Variants in MTUS2 observed in about 807,000 individuals in gnomAD.
MTUS2 encodes the protein microtubule associated scaffold protein 2.
In MTUS2, 40 loss-of-function variants were observed where a neutral mutation model predicts 114.1. That is an observed-to-expected ratio of 0.35 (90% CI 0.27 to 0.46). The LOEUF is 0.46. Ranked by LOEUF, MTUS2 falls within the 20% of genes least tolerant of loss-of-function variation. MTUS2 has a pLI of 1.00. For missense variants in MTUS2, 1,679 were observed against 1,705.4 expected (o/e 0.98, Z 0.27); for synonymous variants, 688 against 672.0 (o/e 1.02, Z -0.37).
At chr13:29,018,153 G>A (rs1208142986) in intron 2 of MTUS2, among the ~76,000 whole-genome samples, 1 of 152,126 alleles carries the variant, frequency 6.6e-6, no homozygotes, top group East Asian at 1.9e-4. Flanking sequence ...TGCAGCTCTT[G>A]GGTAGGAGGA....
intron 4 of MTUS2, among the ~76,000 whole-genome samples, chr13:29,080,273 T>C (rs1889382697): frequency 1.3e-5 from 2 of 152,104 alleles, no homozygotes; most frequent in South Asian, 4.1e-4. Flanking sequence ...TATAAAGTAG[T>C]TTGGTATGAG....
chr13:29,438,475 C>T (rs1051558237), intron 8 of MTUS2, among the ~76,000 whole-genome samples: 1 of 152,176 alleles, frequency 6.6e-6, no homozygotes, highest in Non-Finnish European at 1.5e-5. Flanking sequence ...CAGGTGCGGG[C>T]CACTTTCCCG....
At chr13:28,953,756 TTTTTGACA>T (rs1566248723) in intron 2 of MTUS2, among the ~76,000 whole-genome samples, 1 of 152,222 alleles carries the variant, frequency 6.6e-6, no homozygotes, top group African/African-American at 2.4e-5. Flanking sequence ...TATTGGCTTA[TTTTTGACA>T]TCTAGCCTTT....
chr13:29,098,340 G>A (rs1404263240), intron 4 of MTUS2, among the ~76,000 whole-genome samples: 1 of 152,148 alleles, frequency 6.6e-6, no homozygotes, highest in East Asian at 1.9e-4. Context: ...TCTGCTAGAA[G>A]GAAAGACCAT....
At chr13:29,047,789 C>T (rs564018280) in intron 4 of MTUS2, among the ~76,000 whole-genome samples, 1 of 152,270 alleles carries the variant, frequency 6.6e-6, no homozygotes, top group African/African-American at 2.4e-5. Flanking sequence ...GGATTACAGG[C>T]GTGAGCCACC....
chr13:29,004,539 A>C (rs1885523656), intron 2 of MTUS2, among the ~76,000 whole-genome samples: 1 of 152,246 alleles, frequency 6.6e-6, no homozygotes, highest in African/African-American at 2.4e-5. Context: ...AGCAGGCAAA[A>C]ATGAGAAGAA....
At chr13:28,846,821 C>T (rs193279913) in intron 2 of MTUS2, among the ~76,000 whole-genome samples, 1 of 152,294 alleles carries the variant, frequency 6.6e-6, no homozygotes, top group Admixed American at 6.5e-5. Flanking sequence ...GTCCTAGCTC[C>T]GTCGCGATTT....
At chr13:29,490,591 T>C (rs996790986) in intron 11 of MTUS2, among the ~76,000 whole-genome samples, 1 of 152,276 alleles carries the variant, frequency 6.6e-6, no homozygotes, top group Non-Finnish European at 1.5e-5. Flanking sequence ...CGGAACAGAA[T>C]TGTTTCAAAC....
intron 2 of MTUS2, among the ~76,000 whole-genome samples, chr13:28,909,882 G>A (rs1486542249): frequency 6.6e-6 from 1 of 151,908 alleles, no homozygotes; most frequent in Non-Finnish European, 1.5e-5. Context: ...TTCAGCAATT[G>A]TTTCTTTTTA....
chr13:28,860,562 C>T (rs1416000127), intron 2 of MTUS2, among the ~76,000 whole-genome samples: 1 of 152,144 alleles, frequency 6.6e-6, no homozygotes, highest in Non-Finnish European at 1.5e-5. Context: ...GTGGAGTGCA[C>T]CTTAGCAAAA....
At chr13:29,027,464 G>A (rs1886609684) in intron 3 of MTUS2, among the ~76,000 whole-genome samples, 1 of 152,188 alleles carries the variant, frequency 6.6e-6, no homozygotes, top group African/African-American at 2.4e-5. Context: ...ATATAATACA[G>A]CGTTTGATCT....
intron 2 of MTUS2, among the ~76,000 whole-genome samples, chr13:28,941,260 G>T (rs948569533): frequency 1.3e-5 from 2 of 151,642 alleles, no homozygotes; most frequent in Non-Finnish European, 2.9e-5. Context: ...CATTAATGTG[G>T]GTATATTCTG....
At chr13:29,036,576 C>G (rs1023177506) in intron 4 of MTUS2, among the ~76,000 whole-genome samples, 2 of 152,152 alleles carry the variant, frequency 1.3e-5, no homozygotes, top group Non-Finnish European at 2.9e-5. Flanking sequence ...TTAATTTTGT[C>G]TCGTTGATCT....
intron 4 of MTUS2, among the ~76,000 whole-genome samples, chr13:29,054,600 T>G (rs1888045779): frequency 6.6e-6 from 1 of 152,138 alleles, no homozygotes; most frequent in African/African-American, 2.4e-5. Flanking sequence ...CACAACAGTT[T>G]AAGTATACTT....
chr13:29,000,132 A>T lies in MTUS2; in HGVS notation c.-242-24325A>T, dbSNP rs1326162886. Among the ~76,000 whole-genome samples, 5 of 152,188 alleles carry T rather than the reference A, an allele frequency of 3.3e-5. No homozygotes were observed. In the South Asian group the frequency reaches 1.0e-3, roughly 32 times the overall value. Reference sequence around the variant, plus strand: ...TATTGCTTTCATCCTTTGGGTGTATACCCAGTAGTAGGATTGGAGGATCAT... The same window carrying T: ...TATTGCTTTCATCCTTTGGGTGTATTCCCAGTAGTAGGATTGGAGGATCAT... On this transcript the variant is annotated intron_variant, in intron 2 of 15. Transcript: ENST00000612955.
intron 2 of MTUS2, among the ~76,000 whole-genome samples, chr13:28,847,589 G>A (rs1302555453): frequency 6.6e-6 from 1 of 152,284 alleles, no homozygotes; most frequent in South Asian, 2.1e-4. Context: ...TTGATAAGGA[G>A]TTGGCAGGGT....
chr13:29,390,709 C>T (rs1005411291), intron 8 of MTUS2, among the ~76,000 whole-genome samples: 6 of 150,332 alleles, frequency 4.0e-5, no homozygotes, highest in Non-Finnish European at 8.9e-5. Context: ...GGGGTAAAAT[C>T]GGTGTTGGTT....
chr13:29,224,894 A>G (rs1896045497), intron 5 of MTUS2, among the ~76,000 whole-genome samples: 1 of 152,194 alleles, frequency 6.6e-6, no homozygotes, highest in African/African-American at 2.4e-5. Flanking sequence ...TTCACAGGCA[A>G]CTTGAGCTCC....
At chr13:29,060,900 A>G (rs1018956415) in intron 4 of MTUS2, among the ~76,000 whole-genome samples, 1 of 147,090 alleles carries the variant, frequency 6.8e-6, no homozygotes, top group African/African-American at 2.5e-5. Flanking sequence ...TCCTGGGTTC[A>G]GGTGATTCTC....
Sources: allele counts gnomAD v4.1 joint callset (sites outside exome capture counted in the v4.1 genomes callset), GRCh38; gene constraint gnomAD v4.1.1; transcripts MANE v1.5; gene names NCBI Gene and HGNC (gene_info 2026-07-23, HGNC 2026-07-21).